CSMD1: variants seen among roughly 807,000 people sequenced by gnomAD.
CSMD1 encodes CUB and Sushi multiple domains 1, also known as CUB and sushi domain-containing protein 1.
Under a neutral mutation model 417.5 loss-of-function variants are expected in CSMD1, and 213 were observed. That is an observed-to-expected ratio of 0.51 (90% CI 0.46 to 0.57). CSMD1 has a LOEUF of 0.57. Ranked by LOEUF, CSMD1 falls within the 20% of genes least tolerant of loss-of-function variation. The pLI is 0.00. For synonymous variants in CSMD1, 2,862 were observed against 1,736.8 expected, an observed-to-expected ratio of 1.65 and a Z score of -16.11; for missense variants, 6,923 against 4,529.7, an observed-to-expected ratio of 1.53 and a Z score of -15.17.
At chr8:4,160,418 A>G (rs1188104979) in intron 3 of CSMD1, among the ~76,000 whole-genome samples, 1 of 152,250 alleles carries the variant, frequency 6.6e-6, no homozygotes, top group African/African-American at 2.4e-5. Flanking sequence ...TTTAAATTCA[A>G]TGAAATAGTC....
At chr8:3,156,343 C>G (rs1437634336) in intron 39 of CSMD1, among the ~76,000 whole-genome samples, 1 of 152,174 alleles carries the variant, frequency 6.6e-6, no homozygotes, top group Non-Finnish European at 1.5e-5. Context: ...GATCCAGGCT[C>G]TCTGATACTC....
At chr8:4,670,240 T>C (rs367594693) in intron 1 of CSMD1, among the ~76,000 whole-genome samples, 2 of 152,346 alleles carry the variant, frequency 1.3e-5, no homozygotes, top group African/African-American at 2.4e-5. Flanking sequence ...GTGGATAATG[T>C]AGAAGAGGCA....
At chr8:4,092,000 G>A (rs914223543) in intron 3 of CSMD1, among the ~76,000 whole-genome samples, 5 of 152,150 alleles carry the variant, frequency 3.3e-5, no homozygotes, top group Admixed American at 2.0e-4. Context: ...AAAAAGTGAA[G>A]CTACTTTTAC....
At chr8:4,709,028 C>G (rs1808125655) in intron 1 of CSMD1, among the ~76,000 whole-genome samples, 2 of 152,154 alleles carry the variant, frequency 1.3e-5, no homozygotes, top group South Asian at 4.1e-4. Flanking sequence ...ATGTCTATTG[C>G]TGAAGCTTCC....
chr8:4,458,474 T>A (rs1275790676), intron 2 of CSMD1, among the ~76,000 whole-genome samples: 1 of 152,190 alleles, frequency 6.6e-6, no homozygotes, highest in Non-Finnish European at 1.5e-5. Context: ...TAACTACTAT[T>A]GCTAAGCATG....
At chr8:4,232,861 G>C (rs1045104751) in intron 3 of CSMD1, among the ~76,000 whole-genome samples, 7 of 152,012 alleles carry the variant, frequency 4.6e-5, no homozygotes, top group South Asian at 2.1e-4. Flanking sequence ...ATTTATTTTA[G>C]GGGCAACAAT....
rs1201086269 is a variant in CSMD1 at position 3,545,121 on chromosome 8, C to T, written c.1344+29824G>A. 2.6e-5 allele frequency among the ~76,000 whole-genome samples: 4 copies of T among 152,130 alleles called. No homozygotes were observed. The East Asian group carries it at 7.7e-4, about 29-fold the overall frequency. On this transcript the variant is annotated intron_variant, in intron 10 of 69. Coordinates refer to ENST00000635120, the MANE Select transcript of CSMD1 (RefSeq NM_033225.6). ...ACCTAGGACAGGTATCAAAGCAGAT[C>T]GTCTCTCTCTTTCTCCGTCATTACT...
At chr8:3,923,594 C>A (rs533291914) in intron 5 of CSMD1, among the ~76,000 whole-genome samples, 49 of 152,216 alleles carry the variant, frequency 3.2e-4, no homozygotes, top group Non-Finnish European at 6.5e-4. Flanking sequence ...ATACTCATCA[C>A]CTCATATACT....
chr8:4,769,182 A>G (rs568974092), intron 1 of CSMD1, among the ~76,000 whole-genome samples: 1 of 152,318 alleles, frequency 6.6e-6, no homozygotes, highest in African/African-American at 2.4e-5. Flanking sequence ...AGATGTGGCT[A>G]ATAACACCAC....
intron 7 of CSMD1, among the ~76,000 whole-genome samples, chr8:3,672,215 G>A (rs1343197484): frequency 6.6e-6 from 1 of 152,108 alleles, no homozygotes; most frequent in Admixed American, 6.6e-5. Context: ...AGTATGGCCT[G>A]ATTTGTTATT....
chr8:3,589,639 T>C (rs1800760181), intron 8 of CSMD1, among the ~76,000 whole-genome samples: 1 of 152,010 alleles, frequency 6.6e-6, no homozygotes, highest in Admixed American at 6.6e-5. Context: ...AAACAAATAA[T>C]ACAAAATTTC....
intron 8 of CSMD1, among the ~76,000 whole-genome samples, chr8:3,604,821 C>G (rs1042065515): frequency 3.3e-5 from 5 of 152,100 alleles, no homozygotes; most frequent in African/African-American, 9.7e-5. Context: ...TAGCATTTCT[C>G]TCTTGATGAA....
intron 2 of CSMD1, among the ~76,000 whole-genome samples, chr8:4,436,590 A>G (rs1019391130): frequency 2.6e-5 from 4 of 152,150 alleles, no homozygotes; most frequent in Non-Finnish European, 5.9e-5. Context: ...GATTATATCC[A>G]TCCTGCTGTG....
In CSMD1 at chr8:4,451,090, C is replaced by T. The variant is rs75698196; in HGVS notation, c.303-31025G>A. On this transcript the variant is annotated intron_variant, in intron 2 of 69. Coordinates refer to ENST00000635120, the MANE Select transcript of CSMD1 (RefSeq NM_033225.6). ...TAAGTCAGTCAAGCACTTTGGGAGGCCAAGGCAGGAGGATTACTCCTGAGT... is the reference window on the plus strand; with the variant it reads ...TAAGTCAGTCAAGCACTTTGGGAGGTCAAGGCAGGAGGATTACTCCTGAGT... 3.2e-3 allele frequency among the ~76,000 whole-genome samples: 487 copies of T among 152,224 alleles called. 3 individuals carry two copies. Among genetic ancestry groups the T allele is most frequent in the African/African-American group, 0.011 (465 of 41,536 alleles).
intron 5 of CSMD1, among the ~76,000 whole-genome samples, chr8:3,930,577 T>A (rs1395530269): frequency 6.7e-6 from 1 of 150,144 alleles, no homozygotes; most frequent in Admixed American, 6.6e-5. Flanking sequence ...GAATCTGAGG[T>A]CCCGTTCCAG....
intron 2 of CSMD1, among the ~76,000 whole-genome samples, chr8:4,509,594 C>G (rs1175845224): frequency 2.0e-5 from 3 of 152,132 alleles, no homozygotes; most frequent in Non-Finnish European, 2.9e-5. Flanking sequence ...CGAAAGCAGA[C>G]ACACCCCAGC....
intron 3 of CSMD1, among the ~76,000 whole-genome samples, chr8:4,338,147 C>A (rs1800277750): frequency 6.6e-6 from 1 of 152,038 alleles, no homozygotes; most frequent in Admixed American, 6.6e-5. Flanking sequence ...TATTCCAAAG[C>A]ATGGTAGTAG....
intron 68 of CSMD1, among the ~76,000 whole-genome samples, chr8:2,946,367 T>C (rs1802236913): frequency 6.6e-6 from 1 of 152,150 alleles, no homozygotes; most frequent in Non-Finnish European, 1.5e-5. Flanking sequence ...AGAATCTCAG[T>C]ATCTCTTAGC....
In CSMD1 at chr8:4,419,992, A is replaced by C; in HGVS notation, c.376T>G (p.Phe126Val). The change falls in exon 3 of 70, where the codon TTC becomes GTC. Residue 126 changes from phenylalanine (F) to valine (V), a missense_variant. Phe to Val is a conservative substitution (Grantham distance 50, BLOSUM62 -1). Transcript: ENST00000635120. The stretch of plus-strand genomic sequence containing the variant: ...TTGAAACCTTGGGCACTCACAGCGA[A>C]GTCTGTCGTGAACCACAGAGTGAGG... ...SILTLWFTTD[F>V]AVSAQGFKAL... 1 of 1,589,606 alleles carries C rather than the reference A, an allele frequency of 6.3e-7. No homozygotes were observed. Among genetic ancestry groups the C allele is most frequent in the Non-Finnish European group, 8.6e-7 (1 of 1,167,018 alleles).
Sources: allele counts gnomAD v4.1 joint callset (sites outside exome capture counted in the v4.1 genomes callset), GRCh38; gene constraint gnomAD v4.1.1; transcripts MANE v1.5; gene names NCBI Gene and HGNC (gene_info 2026-07-23, HGNC 2026-07-21).